Variants in KIAA1549 observed in about 807,000 individuals in gnomAD.
KIAA1549 encodes KIAA1549, also known as UPF0606 protein KIAA1549.
KIAA1549 carries 70 observed loss-of-function variants against 156.4 expected under a neutral mutation model. That is an observed-to-expected ratio of 0.45 (90% CI 0.37 to 0.55). The LOEUF (loss-of-function observed/expected upper bound fraction) is 0.55. KIAA1549 is among the 20% of genes least tolerant of loss of function. KIAA1549 has a pLI of 0.00. For missense variants in KIAA1549, 2,428 were observed against 2,540.9 expected (o/e 0.96, Z 0.96); for synonymous variants, 1,103 against 1,066.4 (o/e 1.03, Z -0.67).
chr7:138,877,941 G>A (rs1259868032), intron 12 of KIAA1549, among the ~76,000 whole-genome samples: 1 of 152,082 alleles, frequency 6.6e-6, no homozygotes, highest in African/African-American at 2.4e-5. Context: ...TGAAAGTAAG[G>A]TTTTCTCAGA....
intron 11 of KIAA1549, 77 bp from the exon 12 acceptor site, chr7:138,879,730 G>A: frequency 1.0e-6 from 1 of 969,266 alleles, no homozygotes; most frequent in South Asian, 1.6e-5. Context: ...ATTTGTGTGT[G>A]GAAGTCAGGC....
intron 11 of KIAA1549, 89 bp from the exon 12 acceptor site, chr7:138,879,742 TC>T: frequency 1.2e-6 from 1 of 840,042 alleles, no homozygotes; most frequent in Non-Finnish European, 1.8e-6. Flanking sequence ...AAGTCAGGCT[TC>T]CAGGCAAAAC....
intron 1 of KIAA1549, among the ~76,000 whole-genome samples, chr7:138,959,047 C>T (rs1421936692): frequency 6.6e-6 from 1 of 152,040 alleles, no homozygotes; most frequent in Non-Finnish European, 1.5e-5. Context: ...TTGCAGGCGC[C>T]CACCACCACA....
chr7:138,979,723 G>A (rs1442437008), intron 1 of KIAA1549, among the ~76,000 whole-genome samples: 2 of 152,216 alleles, frequency 1.3e-5, no homozygotes, highest in Non-Finnish European at 2.9e-5. Flanking sequence ...GAGGTCCTAG[G>A]TTAGAGTAAG....
At chr7:138,943,759 G>A (rs1260378493) in intron 1 of KIAA1549, among the ~76,000 whole-genome samples, 2 of 152,082 alleles carry the variant, frequency 1.3e-5, no homozygotes, top group African/African-American at 4.8e-5. Context: ...TGAGGCAGGC[G>A]AATGGCGTGA....
Position 138,952,930 on chromosome 7 carries a change from TATTCTCCTATCACC to T in KIAA1549, c.187+28139_187+28152del, listed in dbSNP as rs542613361. Among the ~76,000 whole-genome samples the T allele has an allele frequency of 4.1e-4, 62 of 152,350 alleles. 1 individual carries two copies. In the East Asian group the frequency reaches 0.01, roughly 25 times the overall value. On this transcript the variant is annotated intron_variant, in intron 1 of 19. Coordinates refer to ENST00000422774, the MANE Select transcript of KIAA1549 (RefSeq NM_001164665.2). ...GTGAGTCTAGACTGAATATTCAGAA[TATTCTCCTATCACC>T]ATTCTCCTATCACCAAGTGATGGAT...
chr7:138,852,129 T>C, intron 17 of KIAA1549, 94 bp downstream of exon 17: 1 of 778,716 alleles, frequency 1.3e-6, no homozygotes. Flanking sequence ...GAGTTTTACA[T>C]CTGCTCATAT....
intron 1 of KIAA1549, among the ~76,000 whole-genome samples, chr7:138,948,962 C>A (rs1407031582): frequency 6.6e-6 from 1 of 152,122 alleles, no homozygotes; most frequent in Non-Finnish European, 1.5e-5. Flanking sequence ...ACCTCAGCCT[C>A]CCAAAGTGCT....
chr7:138,897,889 T>A (rs1433583630), intron 9 of KIAA1549, among the ~76,000 whole-genome samples: 1 of 64,066 alleles, frequency 1.6e-5, no homozygotes, highest in South Asian at 8.7e-4. Context: ...CAAGACCCTT[T>A]CTCAAAAAAA....
At chr7:138,853,746 A>T (rs1810300552) in intron 16 of KIAA1549, among the ~76,000 whole-genome samples, 1 of 152,190 alleles carries the variant, frequency 6.6e-6, no homozygotes, top group East Asian at 1.9e-4. Flanking sequence ...GAAGGGAGAA[A>T]GAGAAGGAAA....
intron 1 of KIAA1549, among the ~76,000 whole-genome samples, chr7:138,929,987 A>G (rs1025745446): frequency 2.0e-5 from 3 of 152,174 alleles, no homozygotes; most frequent in African/African-American, 7.2e-5. Context: ...CATGAAATGT[A>G]TTTCTTATAT....
chr7:138,879,563 G>T lies in KIAA1549; in HGVS notation c.4320C>A (p.Gly1440=). 6.4e-7 allele frequency: 1 copy of T among 1,565,996 alleles called. No homozygotes were observed. Among genetic ancestry groups the T allele is most frequent in the East Asian group, 2.4e-5 (1 of 42,170 alleles). ...CGCTCTGCGGAGCTCTGTGGGACCT[G>T]CCATCGTTGACGGCTCCCGGCGTCT... The part of the protein sequence containing the change: ...GDKTPGAVND[G]RSHRAPQSGP... The change falls in exon 12 of 20, where the codon GGC becomes GGA. Residue 1440 remains glycine, a synonymous_variant. Coordinates refer to ENST00000422774, the MANE Select transcript of KIAA1549 (RefSeq NM_001164665.2).
intron 11 of KIAA1549, 145 bp from the exon 12 acceptor site, chr7:138,879,798 T>A: frequency 1.6e-6 from 1 of 606,534 alleles, no homozygotes; most frequent in Non-Finnish European, 2.9e-6. Context: ...TAGCACAGCG[T>A]CTTCAAGGAT....
chr7:138,848,411 T>G (rs755535087), intron 17 of KIAA1549, among the ~76,000 whole-genome samples: 7 of 152,216 alleles, frequency 4.6e-5, no homozygotes, highest in Non-Finnish European at 1.0e-4. Flanking sequence ...ACCTGCTGTA[T>G]CTATTGAAAT....
rs566612828 is a variant in KIAA1549, at chr7:138,910,852, T to C, written c.3145+294A>G. 5.3e-5 allele frequency among the ~76,000 whole-genome samples: 8 copies of C among 151,180 alleles called. No homozygotes were observed. The South Asian group carries it at 1.7e-3, about 32-fold the overall frequency. ...GTGGGACTACAGGTGTGAGCCACCA[T>C]ACCTGGCCTAAAAAAAAATTAAAAA... On this transcript the variant is annotated intron_variant, in intron 4 of 19. Coordinates refer to ENST00000422774, the MANE Select transcript of KIAA1549 (RefSeq NM_001164665.2).
At chr7:138,907,957 C>T (rs980252049) in intron 5 of KIAA1549, among the ~76,000 whole-genome samples, 4 of 152,062 alleles carry the variant, frequency 2.6e-5, no homozygotes, top group Non-Finnish European at 4.4e-5. Context: ...GGAGGGTGTT[C>T]CCTGTCTGCT....
intron 1 of KIAA1549, among the ~76,000 whole-genome samples, chr7:138,934,067 G>A (rs149754506): frequency 2.6e-5 from 4 of 152,252 alleles, no homozygotes; most frequent in East Asian, 1.9e-4. Flanking sequence ...TGTTGTCGTC[G>A]TTCTTACTGT....
rs779793308 is a variant in KIAA1549, at chr7:138,917,102, C to T, written c.2524G>A (p.Ala842Thr). 10 of 1,610,606 alleles carry T rather than the reference C, an allele frequency of 6.2e-6. No homozygotes were observed. The highest frequency in any genetic ancestry group is 8.5e-6 in the Non-Finnish European group (10 of 1,178,422). ...AACGAGGATCCTGATGGCAGGTACG[C>T]GTCAGTGATCAACACCGTACCAGTG... ...IPTGTVLITD[A>T]YLPSGSSFVS... Residue 842 changes from alanine to threonine, a missense_variant, in exon 2 of 20, where the codon GCG becomes ACG. Coordinates refer to ENST00000422774, the MANE Select transcript of KIAA1549 (RefSeq NM_001164665.2).
At chr7:138,911,010 C>CAACA (rs1264227123) in intron 4 of KIAA1549, 136 bp downstream of exon 4, 5 of 724,212 alleles carry the variant, frequency 6.9e-6, no homozygotes, top group Non-Finnish European at 1.1e-5. Context: ...CCAGCCTGGG[C>CAACA]AACAGACTGA....
Sources: allele counts gnomAD v4.1 joint callset (sites outside exome capture counted in the v4.1 genomes callset), GRCh38; gene constraint gnomAD v4.1.1; transcripts MANE v1.5; gene names NCBI Gene and HGNC (gene_info 2026-07-23, HGNC 2026-07-21).